CDH12: variants seen among roughly 807,000 people sequenced by gnomAD.
CDH12 encodes the protein cadherin 12.
A neutral mutation model predicts 74.1 loss-of-function variants in CDH12; 41 were observed. The observed-to-expected ratio is 0.55, with a 90% CI of 0.43 to 0.72. CDH12 has a LOEUF of 0.72. Ranked by LOEUF, CDH12 falls within the 30% of genes least tolerant of loss-of-function variation. The pLI is 0.00. For synonymous variants in CDH12, 399 were observed against 355.0 expected, an observed-to-expected ratio of 1.12 and a Z score of -1.39; for missense variants, 945 against 977.2, an observed-to-expected ratio of 0.97 and a Z score of 0.44.
chr5:22,035,047 G>A (rs1282294636), intron 5 of CDH12, among the ~76,000 whole-genome samples: 7 of 152,222 alleles, frequency 4.6e-5, no homozygotes, highest in South Asian at 2.1e-4. Flanking sequence ...TCTGCTGTAC[G>A]TTTTTTCACT....
At chr5:22,409,182 T>C (rs922627484) in intron 2 of CDH12, among the ~76,000 whole-genome samples, 2 of 152,058 alleles carry the variant, frequency 1.3e-5, no homozygotes, top group East Asian at 3.9e-4. Context: ...CACTCTCGTC[T>C]TGATATTAAA....
chr5:22,105,064 A>T lies in CDH12; in HGVS notation c.-186-26202T>A, dbSNP rs940355761. On this transcript the variant is annotated intron_variant, in intron 4 of 14. Transcript: ENST00000382254. ...CTTCACATCATCTTTCCCTGCGCGT[A>T]TGTCTGTCTCTGTTTCCAAATTTCT... Among the ~76,000 whole-genome samples the T allele has an allele frequency of 1.7e-4, 26 of 151,672 alleles. No individual in the cohort carries two copies. The East Asian group carries it at 5.1e-3, about 30-fold the overall frequency.
chr5:22,655,313 T>C (rs560718712), intron 1 of CDH12, among the ~76,000 whole-genome samples: 1 of 152,324 alleles, frequency 6.6e-6, no homozygotes, highest in East Asian at 1.9e-4. Context: ...ATGATCATTC[T>C]AAAAGGCAAT....
intron 3 of CDH12, among the ~76,000 whole-genome samples, chr5:22,298,160 T>C (rs1265427253): frequency 6.7e-6 from 1 of 150,322 alleles, no homozygotes; most frequent in Admixed American, 6.6e-5. Context: ...TATATATTTC[T>C]CACTTTTAGT....
chr5:22,442,316 T>C (rs2126543650), intron 2 of CDH12, among the ~76,000 whole-genome samples: 1 of 152,228 alleles, frequency 6.6e-6, no homozygotes, highest in Admixed American at 6.5e-5. Context: ...AAAAGTATGC[T>C]ACTAAGTGGC....
intron 2 of CDH12, among the ~76,000 whole-genome samples, chr5:22,428,805 C>A (rs1211935793): frequency 6.6e-6 from 1 of 152,104 alleles, no homozygotes; most frequent in Non-Finnish European, 1.5e-5. Context: ...TCTAGCATAT[C>A]CACACACCAG....
chr5:21,882,527 C>T (rs942642139), intron 6 of CDH12: 4 of 918,166 alleles, frequency 4.4e-6, no homozygotes, highest in Non-Finnish European at 7.3e-6. Flanking sequence ...GCACTCTGTC[C>T]CTCACTCGCC....
chr5:22,251,047 A>T (rs1036403117), intron 3 of CDH12, among the ~76,000 whole-genome samples: 3 of 152,216 alleles, frequency 2.0e-5, no homozygotes, highest in Admixed American at 2.0e-4. Flanking sequence ...AATAATTTCC[A>T]AGGCTGATGA....
chr5:21,788,069 T>G (rs990567111), intron 10 of CDH12, among the ~76,000 whole-genome samples: 1 of 152,132 alleles, frequency 6.6e-6, no homozygotes, highest in Non-Finnish European at 1.5e-5. Context: ...ACACTAGACA[T>G]TGTTCTAGAG....
chr5:22,758,418 A>T (rs1467107293), intron 1 of CDH12, among the ~76,000 whole-genome samples: 2 of 152,124 alleles, frequency 1.3e-5, no homozygotes, highest in Admixed American at 6.6e-5. Context: ...CTCGCTTGCC[A>T]CCCCACAAAA....
intron 1 of CDH12, among the ~76,000 whole-genome samples, chr5:22,636,237 G>T (rs1363373333): frequency 6.6e-6 from 1 of 151,978 alleles, no homozygotes; most frequent in Non-Finnish European, 1.5e-5. Context: ...TAATGTAGTT[G>T]TTTTGAAAAA....
chr5:22,209,949 G>A, intron 4 of CDH12, among the ~76,000 whole-genome samples: 1 of 151,626 alleles, frequency 6.6e-6, no homozygotes, highest in Non-Finnish European at 1.5e-5. Context: ...ATTACTGTGT[G>A]CCCTTGGCCC....
chr5:22,607,975 T>C (rs1580812060), intron 1 of CDH12, among the ~76,000 whole-genome samples: 1 of 152,328 alleles, frequency 6.6e-6, no homozygotes, highest in East Asian at 1.9e-4. Context: ...GGAAGAGCCC[T>C]CATGGAGAAC....
intron 5 of CDH12, among the ~76,000 whole-genome samples, chr5:22,011,663 C>T (rs1392032542): frequency 6.6e-6 from 1 of 151,974 alleles, no homozygotes; most frequent in East Asian, 1.9e-4. Flanking sequence ...TTTTATTTTT[C>T]TTTCATTTTG....
rs932350494 is a variant in CDH12 at position 21,919,263 on chromosome 5, A to C, written c.526+55828T>G. Among the ~76,000 whole-genome samples, 8 of 152,282 alleles carry C rather than the reference A, an allele frequency of 5.3e-5. No homozygotes were observed. In the East Asian group the frequency reaches 1.2e-3, roughly 22 times the overall value. On this transcript the variant is annotated intron_variant, in intron 6 of 14. Coordinates refer to ENST00000382254, the MANE Select transcript of CDH12 (RefSeq NM_004061.5). ...CACAACTGAGCCATTTTCCTCATTC[A>C]GTTCTCTCTTGTTATTGCTTATGCA...
At chr5:22,645,773 C>T (rs933345672) in intron 1 of CDH12, among the ~76,000 whole-genome samples, 6 of 151,938 alleles carry the variant, frequency 3.9e-5, no homozygotes, top group Admixed American at 3.9e-4. Flanking sequence ...CCACTTTGAT[C>T]AGTCAGCATC....
chr5:22,800,120 C>T (rs762268423), intron 1 of CDH12, among the ~76,000 whole-genome samples: 16 of 152,104 alleles, frequency 1.1e-4, no homozygotes, highest in African/African-American at 1.7e-4. Flanking sequence ...AAGGAATAAA[C>T]ATTGCCAGAT....
chr5:21,833,216 ATTATATG>A (rs1749250274), intron 8 of CDH12, among the ~76,000 whole-genome samples: 1 of 44,664 alleles, frequency 2.2e-5, no homozygotes, highest in Non-Finnish European at 3.1e-5. Context: ...TATAATATAT[ATTATATG>A]TTATATAACA....
chr5:21,955,362 A>G (rs1756049387), intron 6 of CDH12, among the ~76,000 whole-genome samples: 1 of 151,952 alleles, frequency 6.6e-6, no homozygotes, highest in Admixed American at 6.6e-5. Flanking sequence ...TATATAAGGT[A>G]TTGCATTTGT....
Sources: allele counts gnomAD v4.1 joint callset (sites outside exome capture counted in the v4.1 genomes callset), GRCh38; gene constraint gnomAD v4.1.1; transcripts MANE v1.5; gene names NCBI Gene and HGNC (gene_info 2026-07-23, HGNC 2026-07-21).